KDM1A: variants seen among roughly 807,000 people sequenced by gnomAD.
The protein encoded by KDM1A is lysine demethylase 1A, also known as lysine-specific histone demethylase 1A.
In KDM1A, 49 loss-of-function variants were observed where a neutral mutation model predicts 109.4. The observed-to-expected ratio is 0.45, with a 90% CI of 0.36 to 0.57. KDM1A has a LOEUF of 0.57. KDM1A is among the 20% of genes least tolerant of loss of function. The pLI, the probability that KDM1A is intolerant of heterozygous loss-of-function variation, is 0.00. For synonymous variants in KDM1A, 380 were observed against 415.4 expected (o/e 0.91, Z 1.04); for missense variants, 668 against 1,116.6 (o/e 0.60, Z 5.73).
In KDM1A at chr1:23,083,244, T is replaced by A; in HGVS notation, c.2511T>A (p.Gly837=). 1.2e-6 allele frequency: 2 copies of A among 1,614,000 alleles called. No individual in the cohort carries two copies. Among genetic ancestry groups the A allele is most frequent in the Non-Finnish European group, 1.7e-6 (2 of 1,179,992 alleles). The change falls in exon 21 of 21, where the codon GGT becomes GGA. Residue 837 remains glycine, a synonymous_variant. Transcript: ENST00000400181. ...GTAACTACCCAGCCACAGTGCATGG[T>A]GCTCTGCTGAGTGGGCTGCGAGAAG... ...TIRNYPATVH[G]ALLSGLREAG...
At chr1:23,054,376 AG>A in intron 5 of KDM1A, among the ~76,000 whole-genome samples, 1 of 152,188 alleles carries the variant, frequency 6.6e-6, no homozygotes, top group East Asian at 1.9e-4. Flanking sequence ...TGGGCAACAT[AG>A]TGAGACCCCT....
Position 23,019,581 on chromosome 1 carries a change from G to A in KDM1A, c.-16G>A. 5 of 1,398,222 alleles carry A rather than the reference G, an allele frequency of 3.6e-6. No individual in the cohort carries two copies. Among genetic ancestry groups the A allele is most frequent in the Non-Finnish European group, 3.7e-6 (4 of 1,084,926 alleles). The allele number at this position is 1,398,222 out of a possible 1,614,324, so 86.6% of individuals were successfully genotyped here. On this transcript the variant is annotated 5_prime_UTR_variant, in exon 1 of 21. Coordinates refer to ENST00000400181, the MANE Select transcript of KDM1A (RefSeq NM_001009999.3). Reference sequence around the variant, plus strand: ...GCGAGCGGCCCCTACGGCCGTCGGCGGCCCGGCGGCCCGAGATGTTATCTG... The same window carrying A: ...GCGAGCGGCCCCTACGGCCGTCGGCAGCCCGGCGGCCCGAGATGTTATCTG...
intron 13 of KDM1A, among the ~76,000 whole-genome samples, chr1:23,071,815 A>G (rs781736242): frequency 6.6e-6 from 1 of 152,236 alleles, no homozygotes; most frequent in Non-Finnish European, 1.5e-5. Context: ...TGCCAGGGAC[A>G]TGGCATGCTT....
chr1:23,050,506 A>C lies in KDM1A; in HGVS notation c.697A>C (p.Ile233Leu). 6.2e-7 allele frequency: 1 copy of C among 1,609,656 alleles called. No homozygotes were observed. Among genetic ancestry groups the C allele is most frequent in the South Asian group, 1.1e-5 (1 of 90,226 alleles). Residue 233 changes from isoleucine (I) to leucine (L), a missense_variant, in exon 4 of 21, where the codon ATT becomes CTT. Transcript: ENST00000400181. Reference protein sequence around the residue: ...PQQTQKVFLFIRNRTLQLWLD... With the variant: ...PQQTQKVFLFLRNRTLQLWLD... ...ACAGACCCAGAAGGTTTTTCTTTTC[A>C]TTAGAAACCGCACAGTAAGTTTCCA...
chr1:23,050,238 TA>T, intron 3 of KDM1A, 148 bp from the exon 4 acceptor site: 1 of 666,596 alleles, frequency 1.5e-6, no homozygotes, highest in Non-Finnish European at 2.3e-6. Context: ...AATAAGTGGC[TA>T]ATATCTAAGG....
At position 23,073,392 on chromosome 1, in the gene KDM1A, C is replaced by A; in HGVS notation, c.1723C>A (p.His575Asn). The change falls in exon 15 of 21, where the codon CAC becomes AAC. Residue 575 changes from histidine to asparagine, a missense_variant. This residue lies in a region of KDM1A where 162 missense variants were observed against 376.4 expected (regional missense o/e 0.43). Transcript: ENST00000400181. The part of the protein sequence containing the change: ...ATPLSTLSLK[H>N]WDQDDDFEFT... ...ACCTCTCTCAACTCTCTCCCTTAAG[C>A]ACTGGGATCAGGTAAGTTTCCCTTA... The A allele has an allele frequency of 6.3e-7, 1 of 1,586,486 alleles. No homozygotes were observed. Among genetic ancestry groups the A allele is most frequent in the Non-Finnish European group, 8.7e-7 (1 of 1,155,180 alleles).
intron 9 of KDM1A, 108 bp from the exon 10 acceptor site, chr1:23,065,952 T>C: frequency 2.0e-6 from 3 of 1,495,036 alleles, no homozygotes; most frequent in Non-Finnish European, 2.7e-6. Flanking sequence ...TCTGTCATGC[T>C]ATGTGTTTAA....
In KDM1A at chr1:23,030,527, CAGA is replaced by C. The variant is rs1641950789; in HGVS notation, c.417_419del (p.Glu140del). 1 of 1,612,456 alleles carries C rather than the reference CAGA, an allele frequency of 6.2e-7. No individual in the cohort carries two copies. The highest frequency in any genetic ancestry group is 1.7e-5 in the Admixed American group (1 of 59,592). On this transcript the variant is annotated inframe_deletion, in exon 2 of 21. Transcript: ENST00000400181. The stretch of plus-strand genomic sequence containing the variant: ...AACCTCTCAGAAGATGAGTATTATT[CAGA>C]AGAAGAGAGAAATGCCAAAGCAGAG...
At chr1:23,059,529 T>A (rs1642938854) in intron 9 of KDM1A, among the ~76,000 whole-genome samples, 1 of 152,228 alleles carries the variant, frequency 6.6e-6, no homozygotes, top group Non-Finnish European at 1.5e-5. Flanking sequence ...TCACGTGCTT[T>A]AGCTCCATGT....
intron 2 of KDM1A, among the ~76,000 whole-genome samples, chr1:23,039,881 A>G (rs1642256115): frequency 6.6e-6 from 1 of 152,216 alleles, no homozygotes; most frequent in African/African-American, 2.4e-5. Context: ...CAGAGAGTCT[A>G]CCTGTTCTAC....
Position 23,077,325 on chromosome 1 carries a change from A to G in KDM1A, c.1832A>G (p.Asn611Ser). 1 of 1,613,984 alleles carries G rather than the reference A, an allele frequency of 6.2e-7. No homozygotes were observed. Among genetic ancestry groups the G allele is most frequent in the Non-Finnish European group, 8.5e-7 (1 of 1,179,840 alleles). The change falls in exon 16 of 21, where the codon AAT (asparagine) becomes AGT (serine). Residue 611 changes from asparagine to serine, a missense_variant. By Grantham distance (46) the Asn-to-Ser change is conservative. Around this residue, in one of 8 missense-constraint regions of KDM1A, gnomAD observed 162 missense variants for 376.4 expected, o/e 0.43. Coordinates refer to ENST00000400181, the MANE Select transcript of KDM1A (RefSeq NM_001009999.3). ...ALAEGLDIKL[N>S]TAVRQVRYTA... ...GCAGAAGGCCTAGACATTAAACTGA[A>G]TACAGCAGTGCGACAGGTTCGCTAC... is the stretch of plus-strand genomic sequence containing the variant.
At chr1:23,024,519 T>C (rs534351546) in intron 1 of KDM1A, among the ~76,000 whole-genome samples, 3 of 152,340 alleles carry the variant, frequency 2.0e-5, no homozygotes, top group Non-Finnish European at 4.4e-5. Context: ...AAATTATGTT[T>C]AGGGTATTGG....
chr1:23,030,839 T>A (rs1371785222), intron 2 of KDM1A, among the ~76,000 whole-genome samples: 1 of 152,136 alleles, frequency 6.6e-6, no homozygotes, highest in Admixed American at 6.5e-5. Flanking sequence ...ACGTACATAC[T>A]GGTACTGATA....
At chr1:23,051,109 A>C (rs749528503) in intron 4 of KDM1A, among the ~76,000 whole-genome samples, 10 of 152,176 alleles carry the variant, frequency 6.6e-5, no homozygotes, top group Non-Finnish European at 1.5e-4. Context: ...AAAACCTTTA[A>C]GCATTAAAAA....
intron 1 of KDM1A, among the ~76,000 whole-genome samples, chr1:23,027,249 G>A (rs143023915): frequency 2.0e-4 from 30 of 152,138 alleles, no homozygotes; most frequent in Admixed American, 7.2e-4. Context: ...AATTAAGCAT[G>A]ATAGTCTTCT....
At position 23,068,589 on chromosome 1, in the gene KDM1A, A is replaced by G. The variant is rs537324316; in HGVS notation, c.1230A>G (p.Leu410=). The G allele has an allele frequency of 3.1e-6, 5 of 1,605,830 alleles. No homozygotes were observed. The highest frequency in any genetic ancestry group is 1.3e-5 in the African/African-American group (1 of 74,594). ...TAGAGCAAGAGTTTAACCGGTTGCT[A>G]GAAGCTACATCTTACCTTAGTCATC... ...EMVEQEFNRL[L]EATSYLSHQL... is the part of the protein sequence containing the mutation. The change falls in exon 11 of 21, where the codon CTA becomes CTG. Residue 410 remains leucine (L), a synonymous_variant. Coordinates refer to ENST00000400181, the MANE Select transcript of KDM1A (RefSeq NM_001009999.3).
intron 12 of KDM1A, 64 bp from the exon 13 acceptor site, chr1:23,071,161 C>G (rs767468951): frequency 3.0e-5 from 42 of 1,404,526 alleles, no homozygotes; most frequent in Non-Finnish European, 4.0e-5. Flanking sequence ...AAAAAGGGTA[C>G]ATGTGATGTA....
chr1:23,057,716 G>A lies in KDM1A; in HGVS notation c.1072+151G>A, dbSNP rs150331601. 2.9e-3 allele frequency: 1,212 copies of A among 416,238 alleles called. 11 individuals are homozygous for A. Among genetic ancestry groups the A allele is most frequent in the African/African-American group, 0.021 (1,036 of 48,260 alleles). 25.8% of individuals were successfully genotyped at this position (416,238 alleles called of 1,614,324 possible). A position where few individuals can be genotyped will look rare whatever the true frequency, so the allele number is the denominator to read the frequency against. On this transcript the variant is annotated intron_variant, in intron 8 of 20. Transcript: ENST00000400181. Reference sequence around the variant, plus strand: ...TAGCAGTATGTGGAAAATGTAAATTGTACATATCTTTTGACCTAGAGTACC... The same window carrying A: ...TAGCAGTATGTGGAAAATGTAAATTATACATATCTTTTGACCTAGAGTACC...
chr1:23,062,675 C>G (rs1643032790), intron 9 of KDM1A, among the ~76,000 whole-genome samples: 1 of 152,204 alleles, frequency 6.6e-6, no homozygotes, highest in African/African-American at 2.4e-5. Context: ...TCTCTGTTCT[C>G]TCTCCTACAT....
Sources: gnomAD v4.1 joint callset for allele counts (sites outside exome capture counted in the v4.1 genomes callset) on GRCh38, gnomAD v4.1.1 for gene constraint, gnomAD v4.1.1 regional missense constraint, MANE v1.5 for transcripts, NCBI Gene and HGNC (gene_info 2026-07-23, HGNC 2026-07-21) for gene names.